The following PKHD1 variants were observed in gnomAD, a reference collection of about 807,000 sequenced individuals.
The protein encoded by PKHD1 is fibrocystin.
In PKHD1, 291 loss-of-function variants were observed where a neutral mutation model predicts 412.0. The ratio of observed to expected loss-of-function variants is 0.71; its 90% CI spans 0.64 to 0.78. The LOEUF (loss-of-function observed/expected upper bound fraction) is 0.78, where lower values mean the gene tolerates loss of function less well. Among genes scored for constraint, PKHD1 ranks in the 30% least tolerant of loss-of-function variants. PKHD1 has a pLI of 0.00. For missense variants in PKHD1, 4,825 were observed against 4,950.7 expected, an observed-to-expected ratio of 0.97 and a Z score of 0.76; for synonymous variants, 1,777 against 1,821.5, an observed-to-expected ratio of 0.98 and a Z score of 0.62.
At chr6:52,050,353 G>A (rs1267461150) in intron 21 of PKHD1, 58 bp from the exon 22 acceptor site, 1 of 1,571,328 alleles carries the variant, frequency 6.4e-7, no homozygotes, top group African/African-American at 1.3e-5. Context: ...CTTGCTGTGT[G>A]GAAAATCCCA....
chr6:51,920,968 A>C (rs1784599511), intron 37 of PKHD1, among the ~76,000 whole-genome samples: 2 of 152,068 alleles, frequency 1.3e-5, no homozygotes, highest in Non-Finnish European at 2.9e-5. Context: ...AGGTGGTGGT[A>C]TCCCCTTTAT....
chr6:51,964,121 C>T (rs1365013858), intron 35 of PKHD1, among the ~76,000 whole-genome samples: 1 of 152,258 alleles, frequency 6.6e-6, no homozygotes, highest in South Asian at 2.1e-4. Context: ...TTTCTTCTTA[C>T]AGCATGTCAG....
intron 57 of PKHD1, 93 bp from the exon 58 acceptor site, chr6:51,748,758 T>C: frequency 3.9e-6 from 4 of 1,017,334 alleles, no homozygotes; most frequent in Non-Finnish European, 4.7e-6. Flanking sequence ...TGAACATTTT[T>C]AATGAAAATG....
chr6:51,660,269 A>T (rs1266767932), intron 60 of PKHD1, among the ~76,000 whole-genome samples: 1 of 152,136 alleles, frequency 6.6e-6, no homozygotes, highest in Non-Finnish European at 1.5e-5. Flanking sequence ...TGAAATAATC[A>T]TTAAGGGCCC....
chr6:52,063,106 G>A (rs942177930), intron 13 of PKHD1, among the ~76,000 whole-genome samples: 3 of 152,162 alleles, frequency 2.0e-5, no homozygotes, highest in African/African-American at 7.2e-5. Context: ...CATAACATTG[G>A]CAATCCTTAA....
chr6:51,891,314 T>G (rs1414712023), intron 43 of PKHD1, among the ~76,000 whole-genome samples: 2 of 152,126 alleles, frequency 1.3e-5, no homozygotes, highest in Non-Finnish European at 2.9e-5. Context: ...AGTTTCACTC[T>G]TGTTGCCCAG....
chr6:51,857,754 T>C (rs1405968760), intron 48 of PKHD1, among the ~76,000 whole-genome samples: 1 of 152,196 alleles, frequency 6.6e-6, no homozygotes, highest in Non-Finnish European at 1.5e-5. Context: ...TTTAAAAACA[T>C]ACCAAAAACC....
chr6:51,809,165 T>C (rs901281523), intron 52 of PKHD1, among the ~76,000 whole-genome samples: 3 of 152,120 alleles, frequency 2.0e-5, no homozygotes, highest in African/African-American at 7.2e-5. Context: ...TTTAGAAGCA[T>C]ACAAAAATAG....
rs777095602 is a variant in PKHD1 at position 51,748,619 on chromosome 6, T to C, written c.8997A>G (p.Pro2999=). 36 of 1,613,726 alleles carry C rather than the reference T, an allele frequency of 2.2e-5. No homozygotes were observed. The highest frequency in any genetic ancestry group is 3.1e-5 in the Non-Finnish European group (36 of 1,179,794). Residue 2999 remains proline (P), a synonymous_variant, in exon 58 of 67, where the codon CCA becomes CCG. Transcript: ENST00000371117. The stretch of plus-strand genomic sequence containing the variant: ...TACTGAATTCAACAGATGAGTACAA[T>C]GGTGACCCGAAGTTCTGAATTTCCA... ...LNVEIQNFGS[P]LYSSVEFSNV... is the part of the protein sequence containing the mutation.
At chr6:51,625,318 T>A (rs1767094819) in intron 66 of PKHD1, among the ~76,000 whole-genome samples, 1 of 152,096 alleles carries the variant, frequency 6.6e-6, no homozygotes. Flanking sequence ...AATAATAGAA[T>A]GAAACAAAAT....
intron 60 of PKHD1, among the ~76,000 whole-genome samples, chr6:51,689,249 A>C (rs1369204845): frequency 6.6e-6 from 1 of 152,216 alleles, no homozygotes; most frequent in Non-Finnish European, 1.5e-5. Flanking sequence ...CAAAAACCAC[A>C]TGATTATCTC....
In PKHD1 at chr6:52,025,905, A is replaced by C; in HGVS notation, c.3905T>G (p.Val1302Gly). ...TFMYEAAATP[V>G]VTAMQGEITN... ...GATTTCTCCTTGCATGGCAGTGACT[A>C]CTGGTGTTGCTGCCGCTTCATACAT... Residue 1302 changes from valine (V) to glycine (G), a missense_variant, in exon 32 of 67, where the codon GTA becomes GGA. Physicochemically the swap from Val to Gly is moderately radical, Grantham distance 109. Coordinates refer to ENST00000371117, the MANE Select transcript of PKHD1 (RefSeq NM_138694.4). 6.2e-7 allele frequency: 1 copy of C among 1,614,124 alleles called. No homozygotes were observed. Among genetic ancestry groups the C allele is most frequent in the South Asian group, 1.1e-5 (1 of 91,070 alleles).
At chr6:52,023,098 T>C (rs1801647959) in intron 32 of PKHD1, among the ~76,000 whole-genome samples, 154 bp from the exon 33 acceptor site, 1 of 152,248 alleles carries the variant, frequency 6.6e-6, no homozygotes, top group Non-Finnish European at 1.5e-5. Context: ...TGGCCTCAGT[T>C]TCCTCTCCAC....
At chr6:51,902,610 C>T (rs543881219) in intron 43 of PKHD1, among the ~76,000 whole-genome samples, 8 of 152,200 alleles carry the variant, frequency 5.3e-5, no homozygotes, top group Admixed American at 2.6e-4. Flanking sequence ...CCTCTGAGTT[C>T]CTTAGAAACT....
At chr6:51,633,885 A>G (rs977128123) in intron 64 of PKHD1, among the ~76,000 whole-genome samples, 1 of 152,194 alleles carries the variant, frequency 6.6e-6, no homozygotes, top group African/African-American at 2.4e-5. Flanking sequence ...AAGTACATTC[A>G]TTTTAAAAAT....
chr6:52,043,618 A>G lies in PKHD1; in HGVS notation c.2821+7T>C. On this transcript the variant is annotated splice_region_variant and intron_variant, in intron 26 of 66. Transcript: ENST00000371117. Reference sequence around the variant, plus strand: ...AGCCCATCTCAGAGCCAAGTGACAAATCATACCAATGGAGTACCACACAGA... The same window carrying G: ...AGCCCATCTCAGAGCCAAGTGACAAGTCATACCAATGGAGTACCACACAGA... The G allele has an allele frequency of 2.5e-6, 4 of 1,596,136 alleles. No homozygotes were observed. Among genetic ancestry groups the G allele is most frequent in the South Asian group, 1.1e-5 (1 of 90,694 alleles).
At chr6:51,658,645 ACAAT>A (rs1428294723) in intron 61 of PKHD1, among the ~76,000 whole-genome samples, 1 of 152,132 alleles carries the variant, frequency 6.6e-6, no homozygotes, top group East Asian at 1.9e-4. Flanking sequence ...AAATAAATAA[ACAAT>A]CAAATGAACT....
At chr6:51,830,041 AGTTC>A (rs1357266567) in intron 52 of PKHD1, among the ~76,000 whole-genome samples, 1 of 152,194 alleles carries the variant, frequency 6.6e-6, no homozygotes, top group African/African-American at 2.4e-5. Context: ...GCACATTGTT[AGTTC>A]TCAGTAAATG....
At chr6:51,785,624 C>T (rs933750445) in intron 53 of PKHD1, among the ~76,000 whole-genome samples, 1 of 152,146 alleles carries the variant, frequency 6.6e-6, no homozygotes, top group Non-Finnish European at 1.5e-5. Flanking sequence ...TTACTGACTA[C>T]TTCCTCTTGT....
Sources: allele counts gnomAD v4.1 joint callset (sites outside exome capture counted in the v4.1 genomes callset), GRCh38; gene constraint gnomAD v4.1.1; transcripts MANE v1.5; gene names NCBI Gene and HGNC (gene_info 2026-07-23, HGNC 2026-07-21).